The following SUSD5 variants were observed in gnomAD, a reference collection of about 807,000 sequenced individuals.
SUSD5 encodes the protein sushi domain-containing protein 5.
In SUSD5, 33 loss-of-function variants were observed where a neutral mutation model predicts 29.5. The observed-to-expected ratio is 1.12, with a 90% CI of 0.85 to 1.49. The LOEUF (loss-of-function observed/expected upper bound fraction) is 1.49. SUSD5 is among the 40% of genes most tolerant of loss of function. SUSD5 has a pLI of 0.00. For synonymous variants in SUSD5, 308 were observed against 325.3 expected, an observed-to-expected ratio of 0.95 and a Z score of 0.57; for missense variants, 776 against 800.6, an observed-to-expected ratio of 0.97 and a Z score of 0.37.
intron 3 of SUSD5, among the ~76,000 whole-genome samples, chr3:33,178,101 G>A (rs1036611305): frequency 4.6e-5 from 7 of 152,080 alleles, no homozygotes; most frequent in Non-Finnish European, 7.4e-5. Flanking sequence ...TTAGCTGTAG[G>A]TTTTTTTGTT....
chr3:33,196,535 C>A (rs1166276287), intron 3 of SUSD5, among the ~76,000 whole-genome samples: 1 of 152,150 alleles, frequency 6.6e-6, no homozygotes, highest in Admixed American at 6.5e-5. Flanking sequence ...GTCAGGATAT[C>A]TTTGTTTTAA....
intron 4 of SUSD5, among the ~76,000 whole-genome samples, chr3:33,169,388 G>A (rs527364322): frequency 6.6e-6 from 1 of 151,992 alleles, no homozygotes; most frequent in Admixed American, 6.6e-5. Flanking sequence ...GCCCGGCTAA[G>A]TTTTGTATAT....
At chr3:33,207,442 T>C (rs2032242587) in intron 3 of SUSD5, among the ~76,000 whole-genome samples, 1 of 152,138 alleles carries the variant, frequency 6.6e-6, no homozygotes, top group African/African-American at 2.4e-5. Flanking sequence ...GGAATTTATA[T>C]CTCCTGAAGC....
chr3:33,154,177 T>C (rs1025239417), intron 4 of SUSD5, 144 bp from the exon 5 acceptor site: 16 of 699,686 alleles, frequency 2.3e-5, no homozygotes, highest in South Asian at 4.7e-5. Flanking sequence ...CTGTGTATCA[T>C]AGATAAACCC....
At chr3:33,169,098 G>T (rs749129390) in intron 4 of SUSD5, among the ~76,000 whole-genome samples, 20 of 152,166 alleles carry the variant, frequency 1.3e-4, no homozygotes, top group Non-Finnish European at 2.9e-4. Flanking sequence ...GATTAAATGA[G>T]ATGAAGTGTG....
At chr3:33,206,256 C>T (rs2032216343) in intron 3 of SUSD5, among the ~76,000 whole-genome samples, 4 of 151,988 alleles carry the variant, frequency 2.6e-5, no homozygotes, top group Admixed American at 1.3e-4. Context: ...CGCCTGTAAT[C>T]CTAGCTACTC....
intron 2 of SUSD5, among the ~76,000 whole-genome samples, chr3:33,208,800 C>T (rs1016653546): frequency 1.3e-5 from 2 of 152,202 alleles, no homozygotes; most frequent in African/African-American, 4.8e-5. Flanking sequence ...TAAAACACTA[C>T]ATATGAATAC....
chr3:33,201,371 G>A (rs1353487445), intron 3 of SUSD5, among the ~76,000 whole-genome samples: 1 of 152,242 alleles, frequency 6.6e-6, no homozygotes, highest in Non-Finnish European at 1.5e-5. Flanking sequence ...CCAGAGTGCA[G>A]CCGCAGCTCT....
At chr3:33,217,615 T>G (rs150891668) in intron 1 of SUSD5, among the ~76,000 whole-genome samples, 2 of 152,118 alleles carry the variant, frequency 1.3e-5, no homozygotes, top group Admixed American at 1.3e-4. Context: ...AGCCTGCACT[T>G]AAAACAGAGA....
chr3:33,192,000 G>A (rs142880539), intron 3 of SUSD5, among the ~76,000 whole-genome samples: 172 of 152,146 alleles, frequency 1.1e-3, no homozygotes, highest in African/African-American at 4.1e-3. Flanking sequence ...TTTCCCTTCA[G>A]AACACTGAGT....
chr3:33,213,247 A>C (rs1378545489), intron 2 of SUSD5, among the ~76,000 whole-genome samples: 1 of 148,854 alleles, frequency 6.7e-6, no homozygotes, highest in Non-Finnish European at 1.5e-5. Context: ...TTACCTCTAT[A>C]AAAAAAAAAT....
chr3:33,191,131 C>T (rs1452608621), intron 3 of SUSD5, among the ~76,000 whole-genome samples: 1 of 151,046 alleles, frequency 6.6e-6, no homozygotes, highest in Non-Finnish European at 1.5e-5. Flanking sequence ...AATTAGTATA[C>T]TTTGTTTTTT....
chr3:33,205,087 T>C (rs374944742), intron 3 of SUSD5, among the ~76,000 whole-genome samples: 24 of 152,222 alleles, frequency 1.6e-4, no homozygotes, highest in African/African-American at 5.5e-4. Context: ...AAGTTGTACA[T>C]ATGACGTCCC....
At chr3:33,166,879 T>A (rs925216471) in intron 4 of SUSD5, among the ~76,000 whole-genome samples, 7 of 152,292 alleles carry the variant, frequency 4.6e-5, no homozygotes, top group African/African-American at 1.7e-4. Context: ...CAACCTCCTG[T>A]GTTACCCATC....
At chr3:33,202,928 T>C (rs1401123443) in intron 3 of SUSD5, among the ~76,000 whole-genome samples, 2 of 152,190 alleles carry the variant, frequency 1.3e-5, no homozygotes, top group African/African-American at 4.8e-5. Flanking sequence ...AGGTCTGCCA[T>C]TTTTGGAATT....
At chr3:33,218,119 A>G (rs2032457121) in intron 1 of SUSD5, among the ~76,000 whole-genome samples, 1 of 152,160 alleles carries the variant, frequency 6.6e-6, no homozygotes, top group African/African-American at 2.4e-5. Flanking sequence ...CCTCGCCTCC[A>G]GGTACTTTGC....
At chr3:33,188,851 C>T (rs901448643) in intron 3 of SUSD5, among the ~76,000 whole-genome samples, 2 of 152,118 alleles carry the variant, frequency 1.3e-5, no homozygotes, top group African/African-American at 4.8e-5. Context: ...AACTTTAGAT[C>T]TGTGCATTTT....
rs900223243 is a variant in SUSD5, at chr3:33,151,741, T to C, written c.*1001A>G. The C allele has an allele frequency of 6.6e-6, 1 of 152,168 alleles. No individual in the cohort carries two copies. 9.4% of individuals were successfully genotyped at this position (152,168 alleles called of 1,614,324 possible). A position where few individuals can be genotyped will look rare whatever the true frequency, so the allele number is the denominator to read the frequency against. Reference sequence around the variant, plus strand: ...GTACTTACTGGTACAAAGCTAACTTTGTTTTTAAAAAATAATGGCAAATCC... The same window carrying C: ...GTACTTACTGGTACAAAGCTAACTTCGTTTTTAAAAAATAATGGCAAATCC... On this transcript the variant is annotated 3_prime_UTR_variant, in exon 5 of 5. Transcript: ENST00000309558.
At position 33,182,066 on chromosome 3, in the gene SUSD5, T is replaced by C. The variant is rs905311775; in HGVS notation, c.410-6992A>G. 3.3e-5 allele frequency among the ~76,000 whole-genome samples: 5 copies of C among 152,246 alleles called. 1 individual carries two copies. The highest frequency in any genetic ancestry group is 1.2e-4 in the African/African-American group (5 of 41,462). On this transcript the variant is annotated intron_variant, in intron 3 of 4. Transcript: ENST00000309558. ...TAGATCTTTCTTTTTTTCTAATATA[T>C]GTATTCACTGCTATAAGTTTGCCTC... is the stretch of plus-strand genomic sequence containing the variant.
Sources: gnomAD v4.1 joint callset for allele counts (sites outside exome capture counted in the v4.1 genomes callset) on GRCh38, gnomAD v4.1.1 for gene constraint, MANE v1.5 for transcripts, NCBI Gene and HGNC (gene_info 2026-07-23, HGNC 2026-07-21) for gene names.